The following RIPOR2 variants were observed in gnomAD, a reference collection of about 807,000 sequenced individuals.
RIPOR2 encodes the protein rho family-interacting cell polarization regulator 2.
A neutral mutation model predicts 114.5 loss-of-function variants in RIPOR2; 39 were observed. The observed-to-expected ratio is 0.34, with a 90% CI of 0.26 to 0.44. The LOEUF is 0.44. Ranked by LOEUF, RIPOR2 falls within the 20% of genes least tolerant of loss-of-function variation. The pLI is 1.00. For missense variants in RIPOR2, 1,007 were observed against 1,255.1 expected (o/e 0.80, Z 2.99); for synonymous variants, 445 against 484.4 (o/e 0.92, Z 1.07).
At chr6:24,912,612 G>A (rs1217190998) in intron 1 of RIPOR2, among the ~76,000 whole-genome samples, 4 of 152,172 alleles carry the variant, frequency 2.6e-5, no homozygotes, top group African/African-American at 9.7e-5. Context: ...TCTGGAGAAA[G>A]AGACCTGGAA....
chr6:25,002,538 G>T (rs1410540953), intron 1 of RIPOR2, among the ~76,000 whole-genome samples: 2 of 152,172 alleles, frequency 1.3e-5, no homozygotes, highest in Non-Finnish European at 2.9e-5. Flanking sequence ...TTTACTTCCT[G>T]CACGTTTCCA....
intron 1 of RIPOR2, chr6:25,023,536 C>A: frequency 1.3e-6 from 1 of 773,648 alleles, no homozygotes. Context: ...TGTACACCAG[C>A]TCAGCAAATT....
intron 1 of RIPOR2, among the ~76,000 whole-genome samples, chr6:25,004,986 TACACACAC>T (rs58120451): frequency 0.61 from 88,648 of 146,246 alleles, 27,307 homozygotes; most frequent in Non-Finnish European, 0.69. Flanking sequence ...TCAAATAGGC[TACACACAC>T]ACACACACAC....
intron 1 of RIPOR2, among the ~76,000 whole-genome samples, chr6:24,927,906 A>G (rs564654943): frequency 3.3e-5 from 5 of 152,236 alleles, no homozygotes; most frequent in Non-Finnish European, 7.3e-5. Context: ...AAGATTTAAA[A>G]ACAACAATGG....
At chr6:24,982,893 T>G (rs189816885) in intron 1 of RIPOR2, among the ~76,000 whole-genome samples, 1 of 152,142 alleles carries the variant, frequency 6.6e-6, no homozygotes, top group Non-Finnish European at 1.5e-5. Context: ...AGACATGTTG[T>G]TATTTCTTTT....
chr6:25,041,378 A>C (rs1411305255), intron 1 of RIPOR2, among the ~76,000 whole-genome samples: 1 of 152,242 alleles, frequency 6.6e-6, no homozygotes, highest in Non-Finnish European at 1.5e-5. Context: ...TGATAATTTA[A>C]GAAGCATACA....
intron 1 of RIPOR2, chr6:24,910,749 C>G (rs952665750): frequency 1.3e-4 from 117 of 918,648 alleles, no homozygotes; most frequent in Non-Finnish European, 1.4e-4. Flanking sequence ...ACACCCCTCC[C>G]CACACAGACC....
chr6:24,934,611 T>A (rs1291803847), intron 1 of RIPOR2, among the ~76,000 whole-genome samples: 2 of 152,216 alleles, frequency 1.3e-5, no homozygotes, highest in African/African-American at 2.4e-5. Flanking sequence ...ACCTTACTAC[T>A]GTTCCTTTTA....
At chr6:24,954,483 T>G (rs1772939814) in intron 1 of RIPOR2, among the ~76,000 whole-genome samples, 1 of 104,430 alleles carries the variant, frequency 9.6e-6, no homozygotes, top group Admixed American at 1.2e-4. Flanking sequence ...TGAGACAGGG[T>G]CTCACTCTGT....
Position 24,849,840 on chromosome 6 carries a change from G to T in RIPOR2, c.996C>A (p.Asp332Glu), listed in dbSNP as rs747811976. ...RPQVVAVDIN[D>E]LGTIKLNLEI... ...CCAGGTTCAGTTTGATGGTACCAAG[G>T]TCATTGATGTCGACAGCCACTACCT... Residue 332 changes from aspartate (D) to glutamate (E), a missense_variant, in exon 11 of 22, where the codon GAC (aspartate) becomes GAA (glutamate). Transcript: ENST00000643898. The T allele has an allele frequency of 3.7e-6, 6 of 1,613,894 alleles. No homozygotes were observed. The South Asian group carries it at 6.6e-5, about 18-fold the overall frequency.
At chr6:24,979,236 A>G (rs1220642884) in intron 1 of RIPOR2, among the ~76,000 whole-genome samples, 2 of 151,584 alleles carry the variant, frequency 1.3e-5, no homozygotes, top group East Asian at 3.9e-4. Flanking sequence ...GAAAACCGAA[A>G]ACCAAAGAAG....
rs2817747 is a variant in RIPOR2, at chr6:24,869,072, T to C, written c.501+22A>G. ...AGCAACAGAACTGAAAAACAGGCAA[T>C]GAGAACAGGAATTTCAGTTACCTTA... On this transcript the variant is annotated intron_variant, in intron 6 of 21. Coordinates refer to ENST00000643898, the MANE Select transcript of RIPOR2 (RefSeq NM_001286445.3). The C allele has an allele frequency of 0.35, 498,248 of 1,441,444 alleles. 88,621 individuals are homozygous for C. Among genetic ancestry groups the C allele is most frequent in the African/African-American group, 0.55 (38,325 of 70,096 alleles). 89.3% of individuals were successfully genotyped at this position (1,441,444 alleles called of 1,614,324 possible).
intron 16 of RIPOR2, among the ~76,000 whole-genome samples, chr6:24,831,521 C>T (rs1422693661): frequency 6.6e-6 from 1 of 152,084 alleles, no homozygotes; most frequent in Non-Finnish European, 1.5e-5. Flanking sequence ...GAGGAGAGGA[C>T]ACAAGTCACT....
At chr6:24,811,452 G>C (rs6933295) in intron 20 of RIPOR2, among the ~76,000 whole-genome samples, 112,362 of 150,796 alleles carry the variant, frequency 0.75, 43,996 homozygotes, top group East Asian at 0.89. Context: ...GACCAGGCTG[G>C]TCTCGATCTC....
intron 1 of RIPOR2, among the ~76,000 whole-genome samples, chr6:24,916,820 T>A (rs1050077286): frequency 6.6e-6 from 1 of 152,214 alleles, no homozygotes; most frequent in African/African-American, 2.4e-5. Flanking sequence ...CATTTTAGTA[T>A]GTCCCAAGAA....
chr6:24,879,629 G>C (rs1202399807), intron 1 of RIPOR2, among the ~76,000 whole-genome samples: 1 of 152,080 alleles, frequency 6.6e-6, no homozygotes, highest in Non-Finnish European at 1.5e-5. Flanking sequence ...GGTTGGGGCA[G>C]GGTAGTGTAG....
chr6:24,825,381 G>C lies in RIPOR2; in HGVS notation c.2713C>G (p.Gln905Glu). Reference sequence around the variant, plus strand: ...CTGGGAGCAAGGTCACTCATGGTTTGTAGCAGTTTTTCATCTCTTAGTGAT... The same window carrying C: ...CTGGGAGCAAGGTCACTCATGGTTTCTAGCAGTTTTTCATCTCTTAGTGAT... The part of the protein sequence containing the change: ...LQSLRDEKLL[Q>E]TMSDLAPSNL... The change falls in exon 19 of 22, where the codon CAA (glutamine) becomes GAA (glutamate). Residue 905 changes from glutamine to glutamate, a missense_variant. Transcript: ENST00000643898. The C allele has an allele frequency of 1.3e-6, 2 of 1,552,180 alleles. No individual in the cohort carries two copies. The highest frequency in any genetic ancestry group is 8.7e-7 in the Non-Finnish European group (1 of 1,147,052).
chr6:24,824,747 CAT>C (rs1362153982), intron 19 of RIPOR2, among the ~76,000 whole-genome samples: 1 of 152,196 alleles, frequency 6.6e-6, no homozygotes, highest in Non-Finnish European at 1.5e-5. Context: ...TGTGCACACA[CAT>C]ATACACACAC....
At chr6:24,810,762 AT>A (rs61298573) in intron 20 of RIPOR2, among the ~76,000 whole-genome samples, 1 of 150,680 alleles carries the variant, frequency 6.6e-6, no homozygotes, top group African/African-American at 2.4e-5. Flanking sequence ...CCTGAAGGTA[AT>A]TTTTTTTTTA....
Sources: allele counts gnomAD v4.1 joint callset (sites outside exome capture counted in the v4.1 genomes callset), GRCh38; gene constraint gnomAD v4.1.1; transcripts MANE v1.5; gene names NCBI Gene and HGNC (gene_info 2026-07-23, HGNC 2026-07-21).